PRR16: variants seen among roughly 807,000 people sequenced by gnomAD.
PRR16 encodes proline rich 16.
Under a neutral mutation model 18.2 loss-of-function variants are expected in PRR16, and 6 were observed. That is an observed-to-expected ratio of 0.33 (90% confidence interval 0.18 to 0.65). The LOEUF is 0.65. Ranked by LOEUF, PRR16 falls within the 30% of genes least tolerant of loss-of-function variation. The probability of loss-of-function intolerance (pLI) is 0.74; values close to 1 mark genes in which losing one functional copy is unlikely to be tolerated. For missense variants in PRR16, 412 were observed against 376.6 expected (o/e 1.09, Z -0.78); for synonymous variants, 151 against 147.8 (o/e 1.02, Z -0.16).
At chr5:120,770,924 A>ACTCTCTCTCTCTCTCTCTCTCTCT in the PRR16 span, among the ~76,000 whole-genome samples, 1 of 38,522 alleles carries the variant, frequency 2.6e-5, no homozygotes, top group African/African-American at 8.7e-5. Flanking sequence ...ACTCATTGGA[A>ACTCTCTCTCTCTCTCTCTCTCTCT]CACTCTCTCT....
intron 1 of PRR16, among the ~76,000 whole-genome samples, chr5:120,613,880 T>G (rs191251705): frequency 6.6e-6 from 1 of 152,340 alleles, no homozygotes; most frequent in East Asian, 1.9e-4. Context: ...GTTTAGGCAA[T>G]AAACAAATTT....
At chr5:120,527,926 TA>T (rs1751423044) in intron 1 of PRR16, among the ~76,000 whole-genome samples, 1 of 152,236 alleles carries the variant, frequency 6.6e-6, no homozygotes, top group South Asian at 2.1e-4. Flanking sequence ...ATGCCTAATG[TA>T]AAAACAATAT....
chr5:120,530,254 A>T (rs1049709419), intron 1 of PRR16, among the ~76,000 whole-genome samples: 1 of 106,712 alleles, frequency 9.4e-6, no homozygotes, highest in East Asian at 2.3e-4. Context: ...AGTGTGTGTA[A>T]ATATATATAT....
chr5:120,622,457 G>T (rs553063942), intron 1 of PRR16, among the ~76,000 whole-genome samples: 1 of 151,544 alleles, frequency 6.6e-6, no homozygotes, highest in East Asian at 1.9e-4. Context: ...CATTCCATAT[G>T]TTATTTATTT....
At chr5:120,479,163 C>T (rs1164173962) in intron 1 of PRR16, among the ~76,000 whole-genome samples, 1 of 152,092 alleles carries the variant, frequency 6.6e-6, no homozygotes, top group Non-Finnish European at 1.5e-5. Context: ...GCTTTCCTAA[C>T]CTAATATTGT....
intron 1 of PRR16, among the ~76,000 whole-genome samples, chr5:120,579,601 A>G (rs1455859523): frequency 6.6e-6 from 1 of 152,172 alleles, no homozygotes; most frequent in African/African-American, 2.4e-5. Flanking sequence ...GTTCTGCTCT[A>G]TTGGTCTATA....
chr5:120,565,254 A>C (rs1305229588), intron 1 of PRR16, among the ~76,000 whole-genome samples: 2 of 152,166 alleles, frequency 1.3e-5, no homozygotes, highest in Non-Finnish European at 2.9e-5. Flanking sequence ...ACTTGTGCTA[A>C]AATCCTAGCT....
the PRR16 span, among the ~76,000 whole-genome samples, chr5:120,754,466 A>G: frequency 2.7e-4 from 24 of 88,346 alleles, 1 homozygote; most frequent in African/African-American, 9.4e-4. Flanking sequence ...TATATAGTAT[A>G]TAGTATATAT....
In PRR16 at chr5:120,477,991, C is replaced by T. The variant is rs182781742; in HGVS notation, c.159+13346C>T. ...TCTTCTTTCCTTTTTTCTTAATAAT[C>T]ATCAGTTATTTATATACCGAACAAT... On this transcript the variant is annotated intron_variant, in intron 1 of 1. Transcript: ENST00000407149. Among the ~76,000 whole-genome samples the T allele has an allele frequency of 3.4e-4, 52 of 152,268 alleles. No homozygotes were observed. The East Asian group carries it at 8.9e-3, about 26-fold the overall frequency.
chr5:120,720,883 C>A, the PRR16 span, among the ~76,000 whole-genome samples: 1 of 152,052 alleles, frequency 6.6e-6, no homozygotes, highest in African/African-American at 2.4e-5. Context: ...TATTCAAATA[C>A]CCTATCCTTC....
chr5:120,576,538 T>C (rs1424938859), intron 1 of PRR16, among the ~76,000 whole-genome samples: 2 of 152,010 alleles, frequency 1.3e-5, no homozygotes, highest in African/African-American at 4.8e-5. Context: ...GGATGTGGAG[T>C]AAAGGAAACC....
chr5:120,779,852 C>T, the PRR16 span, among the ~76,000 whole-genome samples: 1 of 152,110 alleles, frequency 6.6e-6, no homozygotes, highest in Non-Finnish European at 1.5e-5. Context: ...TATGACAGCT[C>T]TCCCATCGAC....
intron 1 of PRR16, among the ~76,000 whole-genome samples, chr5:120,541,525 C>T (rs558252771): frequency 4.6e-5 from 7 of 152,248 alleles, no homozygotes; most frequent in South Asian, 2.1e-4. Flanking sequence ...GATTTTGTTA[C>T]GTCTAGACCA....
the PRR16 span, among the ~76,000 whole-genome samples, chr5:120,730,275 A>G: frequency 6.6e-6 from 1 of 152,154 alleles, no homozygotes; most frequent in Admixed American, 6.6e-5. Flanking sequence ...TAAGGTAAGC[A>G]AAAGAATTAA....
intron 1 of PRR16, among the ~76,000 whole-genome samples, chr5:120,537,179 C>T (rs1172596663): frequency 6.6e-6 from 1 of 152,016 alleles, no homozygotes; most frequent in Non-Finnish European, 1.5e-5. Flanking sequence ...GCACATGTAC[C>T]CCTGAACCTA....
chr5:120,600,204 G>A (rs2112788787), intron 1 of PRR16, among the ~76,000 whole-genome samples: 1 of 151,504 alleles, frequency 6.6e-6, no homozygotes, highest in South Asian at 2.1e-4. Context: ...TATCTACTAT[G>A]TTTGTAGGAG....
At chr5:120,523,656 A>T (rs180873215) in intron 1 of PRR16, among the ~76,000 whole-genome samples, 1 of 152,284 alleles carries the variant, frequency 6.6e-6, no homozygotes, top group East Asian at 1.9e-4. Flanking sequence ...ATACTAAACT[A>T]TAAACATTAC....
At chr5:120,770,348 G>T in the PRR16 span, among the ~76,000 whole-genome samples, 1 of 151,910 alleles carries the variant, frequency 6.6e-6, no homozygotes, top group East Asian at 1.9e-4. Context: ...CACAAATGGC[G>T]TTGGGAAAAC....
intron 1 of PRR16, among the ~76,000 whole-genome samples, chr5:120,571,457 G>A (rs1752904534): frequency 6.6e-6 from 1 of 152,088 alleles, no homozygotes. Context: ...CATTAGAGGA[G>A]GTTCAGATCA....
Sources: allele counts gnomAD v4.1 joint callset (sites outside exome capture counted in the v4.1 genomes callset), GRCh38; gene constraint gnomAD v4.1.1; transcripts MANE v1.5; gene names NCBI Gene and HGNC (gene_info 2026-07-23, HGNC 2026-07-21).